Variants in DYNC2I1 observed in about 807,000 individuals in gnomAD.
DYNC2I1 encodes the protein cytoplasmic dynein 2 intermediate chain 1.
A neutral mutation model predicts 133.4 loss-of-function variants in DYNC2I1; 89 were observed. The observed-to-expected ratio is 0.67, with a 90% CI of 0.56 to 0.80. DYNC2I1 has a LOEUF of 0.80. DYNC2I1 is among the 30% of genes least tolerant of loss of function. DYNC2I1 has a pLI of 0.00. For synonymous variants in DYNC2I1, 504 were observed against 484.3 expected (o/e 1.04, Z -0.54); for missense variants, 1,291 against 1,314.5 (o/e 0.98, Z 0.28).
the DYNC2I1 span, among the ~76,000 whole-genome samples, chr7:158,851,291 G>A: frequency 6.6e-6 from 1 of 152,078 alleles, no homozygotes; most frequent in African/African-American, 2.4e-5. Context: ...ACAGCACTTT[G>A]GGAGGCCCAG....
chr7:158,906,118 G>T, intron 11 of DYNC2I1, 27 bp downstream of exon 11: 2 of 1,580,538 alleles, frequency 1.3e-6, no homozygotes, highest in Non-Finnish European at 1.7e-6. Flanking sequence ...AGCAGCCAAA[G>T]GTGTTCAGGG....
At chr7:158,879,378 A>C (rs1437492489) in intron 4 of DYNC2I1, among the ~76,000 whole-genome samples, 4 of 152,008 alleles carry the variant, frequency 2.6e-5, no homozygotes. Context: ...ATGAATACTC[A>C]AGTCCCCCAT....
chr7:158,941,821 G>A lies in DYNC2I1; in HGVS notation c.2779-104G>A, dbSNP rs190991212. The A allele has an allele frequency of 3.7e-6, 5 of 1,347,966 alleles. No homozygotes were observed. The East Asian group carries it at 1.0e-4, about 27-fold the overall frequency. 83.5% of individuals were successfully genotyped at this position (1,347,966 alleles called of 1,614,324 possible). On this transcript the variant is annotated intron_variant, in intron 23 of 24. Transcript: ENST00000407559. Reference sequence around the variant, plus strand: ...TGAGCCCGGGAGGTCAAGCTGCCATGAGCTGTGATTGCACCACTGCACTCC... The same window carrying A: ...TGAGCCCGGGAGGTCAAGCTGCCATAAGCTGTGATTGCACCACTGCACTCC...
At chr7:158,895,410 C>T (rs1845670237) in intron 8 of DYNC2I1, among the ~76,000 whole-genome samples, 3 of 152,242 alleles carry the variant, frequency 2.0e-5, no homozygotes, top group Admixed American at 2.0e-4. Context: ...ATTCATTGTA[C>T]CGTATTGCCA....
chr7:158,906,628 T>G (rs776561941), intron 11 of DYNC2I1, among the ~76,000 whole-genome samples: 1 of 152,008 alleles, frequency 6.6e-6, no homozygotes, highest in Non-Finnish European at 1.5e-5. Flanking sequence ...CTGGCTAATT[T>G]TGTATTTTTA....
intron 23 of DYNC2I1, among the ~76,000 whole-genome samples, chr7:158,935,196 G>A (rs1282026745): frequency 6.6e-6 from 1 of 152,212 alleles, no homozygotes; most frequent in Non-Finnish European, 1.5e-5. Flanking sequence ...CGTCGGGCAG[G>A]CAGCAGTCCC....
chr7:158,904,526 T>A (rs150440936), intron 10 of DYNC2I1: 1 of 152,404 alleles, frequency 6.6e-6, no homozygotes, highest in East Asian at 1.9e-4. Flanking sequence ...GAGTCTTTGC[T>A]GAGCGCCAAT....
At position 158,945,502 on chromosome 7, in the gene DYNC2I1, T is replaced by C. The variant is rs193122778; in HGVS notation, c.3003-79T>C. On this transcript the variant is annotated intron_variant, in intron 24 of 24. Transcript: ENST00000407559. This position sits in a 1 kb window ranked among gnomAD's most constrained non-coding sequence, Gnocchi z 4.1. Reference sequence around the variant, plus strand: ...TCCGTTTCACTCTTCCCATGGAAGGTAGACATTTTGAAGACTCAGACAGAA... The same window carrying C: ...TCCGTTTCACTCTTCCCATGGAAGGCAGACATTTTGAAGACTCAGACAGAA... 62 of 1,414,078 alleles carry C rather than the reference T, an allele frequency of 4.4e-5. No individual in the cohort carries two copies. The African/African-American group carries it at 7.5e-4, about 17-fold the overall frequency. The allele number at this position is 1,414,078 out of a possible 1,614,324, so 87.6% of individuals were successfully genotyped here.
At chr7:158,847,908 T>C in the DYNC2I1 span, among the ~76,000 whole-genome samples, 1 of 152,264 alleles carries the variant, frequency 6.6e-6, no homozygotes, top group East Asian at 1.9e-4. Flanking sequence ...AATTGTTCCA[T>C]TTTTAGATTG....
chr7:158,846,782 C>T, the DYNC2I1 span, among the ~76,000 whole-genome samples: 1 of 152,168 alleles, frequency 6.6e-6, no homozygotes, highest in Non-Finnish European at 1.5e-5. Context: ...TTTGAGAAGG[C>T]CTGGGATGGT....
chr7:158,948,836 A>C (rs1851965323), downstream of DYNC2I1, among the ~76,000 whole-genome samples: 1 of 152,204 alleles, frequency 6.6e-6, no homozygotes, highest in Admixed American at 6.5e-5. Context: ...TGGTAAAAGC[A>C]CAAGTAGGAA....
chr7:158,947,439 T>G (rs1851922389), downstream of DYNC2I1, among the ~76,000 whole-genome samples: 1 of 152,254 alleles, frequency 6.6e-6, no homozygotes, highest in Non-Finnish European at 1.5e-5. Context: ...TTTGGGCCTC[T>G]TCTGGGCTTT....
chr7:158,913,647 C>G (rs1847712145), intron 13 of DYNC2I1, among the ~76,000 whole-genome samples: 1 of 152,116 alleles, frequency 6.6e-6, no homozygotes, highest in Admixed American at 6.5e-5. Flanking sequence ...AGGTAAGCCT[C>G]ACCTTAAGAA....
At chr7:158,911,294 C>G (rs1371406950) in intron 11 of DYNC2I1, among the ~76,000 whole-genome samples, 2 of 152,180 alleles carry the variant, frequency 1.3e-5, no homozygotes, top group Admixed American at 6.5e-5. Flanking sequence ...AACGGTCACA[C>G]ATGAGGTTCG....
intron 8 of DYNC2I1, among the ~76,000 whole-genome samples, chr7:158,895,756 G>C (rs182111641): frequency 5.9e-5 from 9 of 152,346 alleles, no homozygotes; most frequent in Non-Finnish European, 1.2e-4. Flanking sequence ...AGTCTCATTT[G>C]TGAACATGGA....
Position 158,862,678 on chromosome 7 carries a change from C to T in DYNC2I1, c.15+5928C>T, listed in dbSNP as rs146053796. ...AAGGCTGTAGTGAGCTATGATAGCA[C>T]TGTGTCCGGAGTTGGTTCCTTCTGG... On this transcript the variant is annotated intron_variant, in intron 1 of 24. Transcript: ENST00000407559. Among the ~76,000 whole-genome samples, 312 of 152,038 alleles carry T rather than the reference C, an allele frequency of 2.1e-3. 1 individual carries two copies. The highest frequency in any genetic ancestry group is 6.9e-3 in the African/African-American group (287 of 41,464).
At chr7:158,854,390 C>T (rs912135733), upstream of DYNC2I1, among the ~76,000 whole-genome samples, 1 of 150,872 alleles carries the variant, frequency 6.6e-6, no homozygotes, top group African/African-American at 2.4e-5. Context: ...TCTCAGCAAA[C>T]TATCACAAGA....
the DYNC2I1 span, among the ~76,000 whole-genome samples, chr7:158,848,397 C>T: frequency 1.6e-3 from 240 of 152,204 alleles, no homozygotes; most frequent in African/African-American, 5.3e-3. Context: ...GGGCACCTTG[C>T]GTGATATTAC....
chr7:158,921,991 G>C (rs1036445059), intron 15 of DYNC2I1, among the ~76,000 whole-genome samples: 1 of 152,224 alleles, frequency 6.6e-6, no homozygotes, highest in Non-Finnish European at 1.5e-5. Context: ...TGGTGTTCCA[G>C]TGCTGAAGCC....
Sources: allele counts gnomAD v4.1 joint callset (sites outside exome capture counted in the v4.1 genomes callset), GRCh38; gene constraint gnomAD v4.1.1; non-coding constraint Gnocchi (gnomAD v3.1); transcripts MANE v1.5; gene names NCBI Gene and HGNC (gene_info 2026-07-23, HGNC 2026-07-21).